GALNTL6: variants seen among roughly 807,000 people sequenced by gnomAD.
The protein encoded by GALNTL6 is polypeptide N-acetylgalactosaminyltransferase-like 6.
GALNTL6 carries 46 observed loss-of-function variants against 73.7 expected under a neutral mutation model. The ratio of observed to expected loss-of-function variants is 0.62; its 90% CI spans 0.49 to 0.80. The LOEUF (loss-of-function observed/expected upper bound fraction) is 0.80. Ranked by LOEUF, GALNTL6 falls within the 30% of genes least tolerant of loss-of-function variation. The probability of loss-of-function intolerance (pLI) is 0.00; values close to 1 mark genes in which losing one functional copy is unlikely to be tolerated. For synonymous variants in GALNTL6, 259 were observed against 263.7 expected (o/e 0.98, Z 0.17); for missense variants, 604 against 755.0 (o/e 0.80, Z 2.34).
chr4:172,361,637 A>G (rs753374675), intron 5 of GALNTL6, among the ~76,000 whole-genome samples: 2 of 152,132 alleles, frequency 1.3e-5, no homozygotes, highest in Non-Finnish European at 2.9e-5. Context: ...TTCATTTTCA[A>G]TGTCTGCAAA....
intron 2 of GALNTL6, among the ~76,000 whole-genome samples, chr4:172,102,328 G>A (rs758773516): frequency 6.6e-6 from 1 of 152,120 alleles, no homozygotes; most frequent in Non-Finnish European, 1.5e-5. Context: ...AATTAATGTA[G>A]CTCAACGTGA....
intron 7 of GALNTL6, among the ~76,000 whole-genome samples, chr4:172,877,747 T>C (rs950731033): frequency 1.6e-4 from 24 of 151,892 alleles, no homozygotes; most frequent in African/African-American, 5.8e-4. Flanking sequence ...AAATCTTCAG[T>C]AAGAACCTGT....
intron 7 of GALNTL6, among the ~76,000 whole-genome samples, chr4:172,864,050 G>A (rs1210120350): frequency 1.3e-5 from 2 of 152,188 alleles, no homozygotes; most frequent in Non-Finnish European, 2.9e-5. Flanking sequence ...CTGCTGCCAT[G>A]TAAGACGTGA....
At chr4:171,887,720 G>A (rs1736642672) in intron 2 of GALNTL6, among the ~76,000 whole-genome samples, 1 of 152,098 alleles carries the variant, frequency 6.6e-6, no homozygotes, top group South Asian at 2.1e-4. Flanking sequence ...GTCTTCTGGT[G>A]ATGTTGCTTT....
chr4:172,834,876 G>C lies in GALNTL6; in HGVS notation c.923+21153G>C, dbSNP rs550835566. Reference sequence around the variant, plus strand: ...TCTATCTTCTTCATGGCTTGTTCAAGAACCATGAGTGAGAACTGTGTTGAG... The same window carrying C: ...TCTATCTTCTTCATGGCTTGTTCAACAACCATGAGTGAGAACTGTGTTGAG... On this transcript the variant is annotated intron_variant, in intron 7 of 12. Transcript: ENST00000506823. 6.6e-4 allele frequency among the ~76,000 whole-genome samples: 100 copies of C among 152,328 alleles called. 2 individuals carry two copies. In the South Asian group the frequency reaches 0.02, roughly 31 times the overall value.
chr4:171,985,936 G>A (rs1156843551), intron 2 of GALNTL6, among the ~76,000 whole-genome samples: 1 of 148,846 alleles, frequency 6.7e-6, no homozygotes. Context: ...TTCTCAGGAG[G>A]CTGAGGCAGG....
intron 2 of GALNTL6, among the ~76,000 whole-genome samples, chr4:172,146,303 CT>C (rs1008520951): frequency 2.6e-5 from 4 of 152,094 alleles, no homozygotes; most frequent in African/African-American, 9.7e-5. Context: ...AAGGATTTGA[CT>C]TTTTCAACAT....
chr4:172,869,421 G>C (rs1260056505), intron 7 of GALNTL6, among the ~76,000 whole-genome samples: 1 of 152,104 alleles, frequency 6.6e-6, no homozygotes, highest in Non-Finnish European at 1.5e-5. Flanking sequence ...AAGGGAGCCG[G>C]AGAAAAAGAC....
At chr4:172,894,947 T>C (rs1168292056) in intron 8 of GALNTL6, among the ~76,000 whole-genome samples, 2 of 140,588 alleles carry the variant, frequency 1.4e-5, no homozygotes, top group Non-Finnish European at 3.2e-5. Context: ...ATCTTGTTTT[T>C]TTTACAGTTT....
At chr4:172,081,981 A>G (rs1229437696) in intron 2 of GALNTL6, among the ~76,000 whole-genome samples, 3 of 150,966 alleles carry the variant, frequency 2.0e-5, no homozygotes, top group South Asian at 2.1e-4. Flanking sequence ...GGCTCAAGCT[A>G]TTCTCCCGCC....
At chr4:172,202,960 C>T (rs1351276318) in intron 2 of GALNTL6, among the ~76,000 whole-genome samples, 2 of 151,808 alleles carry the variant, frequency 1.3e-5, no homozygotes, top group African/African-American at 4.8e-5. Context: ...GAGAGGAAAA[C>T]AATATGTTTA....
chr4:172,933,160 T>C (rs1748437932), intron 9 of GALNTL6, among the ~76,000 whole-genome samples: 1 of 152,148 alleles, frequency 6.6e-6, no homozygotes. Context: ...GCTGGGTAGA[T>C]ATAATAAATC....
At chr4:172,017,617 G>A (rs113551116) in intron 2 of GALNTL6, among the ~76,000 whole-genome samples, 46 of 152,232 alleles carry the variant, frequency 3.0e-4, no homozygotes, top group African/African-American at 1.1e-3. Context: ...CACTGTGATT[G>A]TGTTTCTGCT....
chr4:172,965,869 T>A (rs1750303113), intron 10 of GALNTL6, among the ~76,000 whole-genome samples: 1 of 152,168 alleles, frequency 6.6e-6, no homozygotes. Context: ...AATATATACT[T>A]TTTTGGATTT....
chr4:172,108,617 C>T (rs1209515709), intron 2 of GALNTL6, among the ~76,000 whole-genome samples: 2 of 152,074 alleles, frequency 1.3e-5, no homozygotes, highest in African/African-American at 4.8e-5. Context: ...ACAGATATAC[C>T]ACACAATTTT....
intron 8 of GALNTL6, among the ~76,000 whole-genome samples, chr4:172,885,175 T>C (rs1163161546): frequency 6.6e-6 from 1 of 152,212 alleles, no homozygotes; most frequent in Non-Finnish European, 1.5e-5. Context: ...ATTGGTAATT[T>C]GACATGGATT....
intron 2 of GALNTL6, among the ~76,000 whole-genome samples, chr4:172,103,446 T>C (rs1211008257): frequency 6.6e-6 from 1 of 152,176 alleles, no homozygotes; most frequent in African/African-American, 2.4e-5. Flanking sequence ...GAACTATATA[T>C]ATATTTTATA....
At chr4:172,488,975 G>A (rs1451882123) in intron 5 of GALNTL6, among the ~76,000 whole-genome samples, 3 of 152,114 alleles carry the variant, frequency 2.0e-5, no homozygotes, top group African/African-American at 4.8e-5. Context: ...CATTCCATTC[G>A]TCTACTCAAG....
intron 5 of GALNTL6, among the ~76,000 whole-genome samples, chr4:172,482,934 C>A (rs1475429395): frequency 6.6e-6 from 1 of 151,916 alleles, no homozygotes; most frequent in African/African-American, 2.4e-5. Flanking sequence ...TTTATAATTT[C>A]TATTACAAAT....
Sources: gnomAD v4.1 joint callset for allele counts (sites outside exome capture counted in the v4.1 genomes callset) on GRCh38, gnomAD v4.1.1 for gene constraint, MANE v1.5 for transcripts, NCBI Gene and HGNC (gene_info 2026-07-23, HGNC 2026-07-21) for gene names.